The following RRH variants were observed in gnomAD, a reference collection of about 807,000 sequenced individuals.
The protein encoded by RRH is retinal pigment epithelium-derived rhodopsin homolog, also known as visual pigment-like receptor peropsin.
RRH carries 36 observed loss-of-function variants against 33.1 expected under a neutral mutation model. The observed-to-expected ratio is 1.09, with a 90% CI of 0.83 to 1.44. RRH has a LOEUF of 1.44. Ranked by LOEUF, RRH falls within the 40% of genes most tolerant of loss-of-function variation. RRH has a pLI of 0.00. For missense variants in RRH, 393 were observed against 420.2 expected, an observed-to-expected ratio of 0.94 and a Z score of 0.57; for synonymous variants, 124 against 140.2, an observed-to-expected ratio of 0.88 and a Z score of 0.82.
Position 109,836,126 on chromosome 4 carries a change from G to A in RRH, c.517G>A (p.Ala173Thr), listed in dbSNP as rs760893048. The A allele has an allele frequency of 2.5e-6, 4 of 1,614,158 alleles. No homozygotes were observed. The highest frequency in any genetic ancestry group is 3.4e-6 in the Non-Finnish European group (4 of 1,180,008). The part of the protein sequence containing the change: ...WASYAPDPTG[A>T]TCTINWRKND... Reference sequence around the variant, plus strand: ...TAGTTATGCCCCAGATCCTACTGGTGCTACGTGTACCATAAACTGGAGGAA... The same window carrying A: ...TAGTTATGCCCCAGATCCTACTGGTACTACGTGTACCATAAACTGGAGGAA... Residue 173 changes from alanine to threonine, a missense_variant, in exon 4 of 7, where the codon GCT (alanine) becomes ACT (threonine). Coordinates refer to ENST00000317735, the MANE Select transcript of RRH (RefSeq NM_006583.5).
At chr4:109,828,225 A>G (rs1430056823) in intron 1 of RRH, 92 bp downstream of exon 1, 5 of 837,654 alleles carry the variant, frequency 6.0e-6, no homozygotes, top group South Asian at 2.8e-5. Flanking sequence ...CAAGTTCCAT[A>G]TTATTGGCCA....
intron 4 of RRH, among the ~76,000 whole-genome samples, 153 bp from the exon 5 acceptor site, chr4:109,837,284 C>T (rs1733903552): frequency 6.6e-6 from 1 of 152,068 alleles, no homozygotes; most frequent in Admixed American, 6.5e-5. Context: ...TTTGCCAATT[C>T]CGGGCCTAAA....
Position 109,844,233 on chromosome 4 carries a change from G to GT in RRH, c.*42dup, listed in dbSNP as rs763339702. On this transcript the variant is annotated 3_prime_UTR_variant, in exon 7 of 7. Transcript: ENST00000317735. ...AAGGACACACTATCAAAACACTTTA[G>GT]TTTTTTGACAATGCTTTTCTTTTAA... 3.8e-6 allele frequency: 5 copies of GT among 1,322,096 alleles called. No individual in the cohort carries two copies. Among genetic ancestry groups the GT allele is most frequent in the Non-Finnish European group, 5.5e-6 (5 of 915,700 alleles). 81.9% of individuals were successfully genotyped at this position (1,322,096 alleles called of 1,614,324 possible). A position where few individuals can be genotyped will look rare whatever the true frequency, so the allele number is the denominator to read the frequency against.
intron 4 of RRH, among the ~76,000 whole-genome samples, chr4:109,837,014 G>A (rs1733899909): frequency 6.6e-6 from 1 of 152,202 alleles, no homozygotes; most frequent in Admixed American, 6.5e-5. Flanking sequence ...TTGGGCTGGG[G>A]AGTTCAAGGC....
chr4:109,836,278 TGGTA>T (rs747688600), intron 4 of RRH, 118 bp downstream of exon 4: 172 of 1,027,890 alleles, frequency 1.7e-4, no homozygotes, highest in Middle Eastern at 5.7e-4. Context: ...AGCACTTCCC[TGGTA>T]GTGATGATGT....
At chr4:109,835,524 T>C in intron 3 of RRH, 59 bp downstream of exon 3, 1 of 1,098,812 alleles carries the variant, frequency 9.1e-7, no homozygotes, top group African/African-American at 1.5e-5. Flanking sequence ...GGCCACTCAA[T>C]ATATATATAC....
Position 109,837,502 on chromosome 4 carries a change from T to G in RRH, c.617T>G (p.Phe206Cys), listed in dbSNP as rs1733908061. 6.2e-7 allele frequency: 1 copy of G among 1,613,604 alleles called. No homozygotes were observed. ...TTTATTGTGCCCTTGACAGTGATGT[T>G]TTACTGCTATTACCATGTCACGCTA... is the stretch of plus-strand genomic sequence containing the variant. ...INFIVPLTVM[F>C]YCYYHVTLSI... The change falls in exon 5 of 7, where the codon TTT (phenylalanine) becomes TGT (cysteine). Residue 206 changes from phenylalanine to cysteine, a missense_variant. By Grantham distance (205) the Phe-to-Cys change is radical. Coordinates refer to ENST00000317735, the MANE Select transcript of RRH (RefSeq NM_006583.5).
Position 109,833,276 on chromosome 4 carries a change from TC to T in RRH, c.245del (p.Ser82LeufsTer23). 2.5e-6 allele frequency: 4 copies of T among 1,614,150 alleles called. No homozygotes were observed. Among genetic ancestry groups the T allele is most frequent in the Non-Finnish European group, 3.4e-6 (4 of 1,179,992 alleles). On this transcript the variant is annotated frameshift_variant, in exon 2 of 7. Coordinates refer to ENST00000317735, the MANE Select transcript of RRH (RefSeq NM_006583.5). LOFTEE classifies it high-confidence loss of function. ...GGTCAGTAGCATTGGCTATCCCATG[TC>T]TGCTGCCTCAGATCTGTATGGAAGT... ...IGVSSIGYPM[S>X]AASDLYGSWK...
intron 2 of RRH, 63 bp downstream of exon 2, chr4:109,833,392 C>G (rs1306968997): frequency 3.8e-6 from 5 of 1,312,050 alleles, no homozygotes; most frequent in Non-Finnish European, 5.4e-6. Context: ...ATTTAAATGT[C>G]TAAAACGAAT....
chr4:109,837,137 A>G lies in RRH; in HGVS notation c.552-300A>G, dbSNP rs536989383. On this transcript the variant is annotated intron_variant, in intron 4 of 6. Transcript: ENST00000317735. Reference sequence around the variant, plus strand: ...AGGCTTTATAGCCCAGATGTTCTCTATCACAGCTCTTCAACTCTGTCATCA... The same window carrying G: ...AGGCTTTATAGCCCAGATGTTCTCTGTCACAGCTCTTCAACTCTGTCATCA... Among the ~76,000 whole-genome samples the G allele has an allele frequency of 2.6e-5, 4 of 152,302 alleles. No homozygotes were observed. In the South Asian group the frequency reaches 8.3e-4, roughly 32 times the overall value.
At position 109,833,320 on chromosome 4, in the gene RRH, A is replaced by G. The variant is rs767089607; in HGVS notation, c.288A>G (p.Ala96=). The change falls in exon 2 of 7, where the codon GCA becomes GCG. Residue 96 remains alanine (A), a synonymous_variant. Transcript: ENST00000317735. Reference sequence around the variant, plus strand: ...ATGGAAGTTGGAAATTTGGATACGCAGGCTGTCAGGTATTGGAGATCATTG... The same window carrying G: ...ATGGAAGTTGGAAATTTGGATACGCGGGCTGTCAGGTATTGGAGATCATTG... The part of the protein sequence containing the change: ...DLYGSWKFGY[A]GCQVYAGLNI... The G allele has an allele frequency of 6.2e-7, 1 of 1,613,790 alleles. No individual in the cohort carries two copies. Among genetic ancestry groups the G allele is most frequent in the Non-Finnish European group, 8.5e-7 (1 of 1,179,702 alleles).
intron 1 of RRH, among the ~76,000 whole-genome samples, chr4:109,830,894 A>G (rs1283460793): frequency 6.6e-6 from 1 of 152,152 alleles, no homozygotes; most frequent in Non-Finnish European, 1.5e-5. Context: ...AAGAAGGAAA[A>G]TGTTTCAAGA....
intron 5 of RRH, 116 bp from the exon 6 acceptor site, chr4:109,842,353 A>G: frequency 1.0e-6 from 1 of 994,830 alleles, no homozygotes; most frequent in Admixed American, 2.3e-5. Flanking sequence ...CCTTTATGTC[A>G]TCAAAAACAT....
intron 5 of RRH, among the ~76,000 whole-genome samples, chr4:109,838,992 C>T (rs915540722): frequency 6.7e-6 from 1 of 149,962 alleles, no homozygotes; most frequent in African/African-American, 2.5e-5. Context: ...CTTTTCTTCT[C>T]TTTCCCTGGA....
At chr4:109,833,027 G>A (rs1733791153) in intron 1 of RRH, 112 bp from the exon 2 acceptor site, 2 of 846,606 alleles carry the variant, frequency 2.4e-6, no homozygotes, top group Non-Finnish European at 3.9e-6. Context: ...TCAAATAAAT[G>A]AACTAAAATA....
chr4:109,834,384 C>T (rs1733833408), intron 2 of RRH, among the ~76,000 whole-genome samples: 1 of 147,472 alleles, frequency 6.8e-6, no homozygotes, highest in Non-Finnish European at 1.5e-5. Context: ...GGCTGGAGTG[C>T]AGTGGCGTGA....
chr4:109,843,785 T>C (rs1734027507), intron 6 of RRH, among the ~76,000 whole-genome samples: 1 of 152,226 alleles, frequency 6.6e-6, no homozygotes, highest in Non-Finnish European at 1.5e-5. Context: ...TTTTAGTAGA[T>C]GTCTTCAATC....
intron 1 of RRH, among the ~76,000 whole-genome samples, chr4:109,831,268 T>C (rs1458016500): frequency 6.6e-6 from 1 of 152,206 alleles, no homozygotes; most frequent in Non-Finnish European, 1.5e-5. Context: ...CTTGTATACA[T>C]GCTACAATCC....
At chr4:109,839,219 A>C (rs925754728) in intron 5 of RRH, among the ~76,000 whole-genome samples, 5 of 151,364 alleles carry the variant, frequency 3.3e-5, no homozygotes, top group Admixed American at 1.3e-4. Context: ...AGCAAGCACC[A>C]AAAAACTCAT....
Sources: gnomAD v4.1 joint callset for allele counts (sites outside exome capture counted in the v4.1 genomes callset) on GRCh38, gnomAD v4.1.1 for gene constraint, MANE v1.5 for transcripts, NCBI Gene and HGNC (gene_info 2026-07-23, HGNC 2026-07-21) for gene names.